The following GRID1 variants were observed in gnomAD, a reference collection of about 807,000 sequenced individuals.
GRID1 encodes the protein glutamate ionotropic receptor delta type subunit 1.
In GRID1, 28 loss-of-function variants were observed where a neutral mutation model predicts 98.0. That is an observed-to-expected ratio of 0.29 (90% CI 0.21 to 0.39). The LOEUF (loss-of-function observed/expected upper bound fraction) is 0.39. GRID1 is among the 10% of genes least tolerant of loss of function. The pLI, the probability that GRID1 is intolerant of heterozygous loss-of-function variation, is 1.00. For synonymous variants in GRID1, 553 were observed against 538.5 expected, an observed-to-expected ratio of 1.03 and a Z score of -0.37; for missense variants, 1,111 against 1,340.5, an observed-to-expected ratio of 0.83 and a Z score of 2.67.
intron 12 of GRID1, among the ~76,000 whole-genome samples, chr10:85,702,157 C>T (rs1213935805): frequency 6.6e-6 from 1 of 151,992 alleles, no homozygotes; most frequent in African/African-American, 2.4e-5. Context: ...CTATAATTTA[C>T]TACAGCAAGG....
At chr10:85,839,985 A>G (rs1205300859) in intron 8 of GRID1, among the ~76,000 whole-genome samples, 3 of 152,238 alleles carry the variant, frequency 2.0e-5, no homozygotes, top group African/African-American at 7.2e-5. Flanking sequence ...ATTTCTAGGC[A>G]TATAAGCTAG....
At chr10:85,997,512 T>C (rs1377496765) in intron 4 of GRID1, among the ~76,000 whole-genome samples, 1 of 152,170 alleles carries the variant, frequency 6.6e-6, no homozygotes, top group Non-Finnish European at 1.5e-5. Context: ...TGATTCTCAG[T>C]ACACTATAAA....
intron 5 of GRID1, among the ~76,000 whole-genome samples, chr10:85,901,254 T>A (rs1841382934): frequency 6.6e-6 from 1 of 151,454 alleles, no homozygotes; most frequent in Admixed American, 6.6e-5. Context: ...TTTATTTATT[T>A]ATTTATTTTG....
At chr10:86,245,677 C>T (rs1846715601) in intron 2 of GRID1, among the ~76,000 whole-genome samples, 2 of 152,262 alleles carry the variant, frequency 1.3e-5, no homozygotes, top group South Asian at 4.1e-4. Context: ...ATGGGCATCT[C>T]AGGTGGTCCT....
chr10:86,191,903 T>A (rs766997424), intron 3 of GRID1, among the ~76,000 whole-genome samples: 2 of 152,160 alleles, frequency 1.3e-5, no homozygotes, highest in Non-Finnish European at 2.9e-5. Context: ...GCACCCCTGC[T>A]GATCCATCCT....
chr10:85,928,601 G>A (rs919868551), intron 4 of GRID1, among the ~76,000 whole-genome samples: 4 of 152,304 alleles, frequency 2.6e-5, no homozygotes, highest in East Asian at 1.9e-4. Flanking sequence ...TCACTATTGC[G>A]GAGCCCTCAC....
chr10:85,671,545 A>ATC (rs370389403), intron 12 of GRID1, among the ~76,000 whole-genome samples: 5,006 of 151,376 alleles, frequency 0.033, 124 homozygotes, highest in Middle Eastern at 0.048. Context: ...CCGTTCCCTC[A>ATC]TCTCTCTCTC....
intron 4 of GRID1, among the ~76,000 whole-genome samples, chr10:85,965,199 T>A (rs928849618): frequency 2.6e-5 from 4 of 152,218 alleles, no homozygotes; most frequent in Non-Finnish European, 5.9e-5. Context: ...GAGTGTAAAT[T>A]AGTTCAACCA....
At chr10:85,789,156 G>C (rs1421966069) in intron 8 of GRID1, among the ~76,000 whole-genome samples, 2 of 152,086 alleles carry the variant, frequency 1.3e-5, no homozygotes, top group East Asian at 3.9e-4. Context: ...CCCCCAGGGT[G>C]CCCCCTCTGC....
At chr10:86,144,952 C>T (rs527532370) in intron 3 of GRID1, among the ~76,000 whole-genome samples, 1 of 152,322 alleles carries the variant, frequency 6.6e-6, no homozygotes, top group African/African-American at 2.4e-5. Context: ...CTCCCTAGGA[C>T]TCATGCAACA....
chr10:85,812,655 A>C (rs1173277958), intron 8 of GRID1, among the ~76,000 whole-genome samples: 1 of 152,032 alleles, frequency 6.6e-6, no homozygotes, highest in Admixed American at 6.5e-5. Flanking sequence ...GAAAATAATT[A>C]CCTGAGGACT....
intron 12 of GRID1, among the ~76,000 whole-genome samples, chr10:85,720,877 A>G (rs1841693934): frequency 1.3e-5 from 2 of 152,210 alleles, no homozygotes; most frequent in African/African-American, 4.8e-5. Flanking sequence ...CCTCATCAAA[A>G]TTAAAACCTT....
At chr10:85,857,889 C>T (rs546381899) in intron 6 of GRID1, among the ~76,000 whole-genome samples, 1 of 152,278 alleles carries the variant, frequency 6.6e-6, no homozygotes, top group South Asian at 2.1e-4. Context: ...CTGCAATTTA[C>T]TTCCTCATGT....
chr10:85,703,986 T>C (rs891144157), intron 12 of GRID1, among the ~76,000 whole-genome samples: 7 of 152,180 alleles, frequency 4.6e-5, no homozygotes, highest in Admixed American at 6.5e-5. Flanking sequence ...CCTTCACTTA[T>C]GAAGCTTAGT....
intron 4 of GRID1, among the ~76,000 whole-genome samples, chr10:86,107,725 GA>G (rs1844412726): frequency 6.6e-6 from 1 of 152,178 alleles, no homozygotes; most frequent in South Asian, 2.1e-4. Context: ...ATCATCGGGG[GA>G]ACACACAGGT....
chr10:85,696,644 ATGT>A (rs1448264892), intron 12 of GRID1, among the ~76,000 whole-genome samples: 1 of 151,918 alleles, frequency 6.6e-6, no homozygotes, highest in Non-Finnish European at 1.5e-5. Flanking sequence ...CTAATTTTCG[ATGT>A]TATTATATAT....
intron 4 of GRID1, among the ~76,000 whole-genome samples, chr10:85,969,774 C>T (rs1389457460): frequency 2.6e-5 from 4 of 151,724 alleles, no homozygotes; most frequent in Non-Finnish European, 5.9e-5. Context: ...TAACCTTCTC[C>T]CTTAAGAAAC....
chr10:86,260,100 A>T (rs1280231784), intron 2 of GRID1, among the ~76,000 whole-genome samples: 2 of 152,218 alleles, frequency 1.3e-5, no homozygotes, highest in African/African-American at 4.8e-5. Flanking sequence ...ACCTGTGTGG[A>T]GTAGTCAGGG....
At chr10:85,687,596 C>T (rs1841284523) in intron 12 of GRID1, among the ~76,000 whole-genome samples, 1 of 151,978 alleles carries the variant, frequency 6.6e-6, no homozygotes, top group East Asian at 1.9e-4. Flanking sequence ...CGTCACTGTA[C>T]TCCAGCCTGG....
Sources: gnomAD v4.1 joint callset for allele counts (sites outside exome capture counted in the v4.1 genomes callset) on GRCh38, gnomAD v4.1.1 for gene constraint, MANE v1.5 for transcripts, NCBI Gene and HGNC (gene_info 2026-07-23, HGNC 2026-07-21) for gene names.